The following PLCB1 variants were observed in gnomAD, a reference collection of about 807,000 sequenced individuals.
PLCB1 encodes the protein phospholipase C beta 1.
In PLCB1, 46 loss-of-function variants were observed where a neutral mutation model predicts 161.8. The ratio of observed to expected loss-of-function variants is 0.28; its 90% CI spans 0.22 to 0.36. The LOEUF (loss-of-function observed/expected upper bound fraction) is 0.36, where lower values mean the gene tolerates loss of function less well. Among genes scored for constraint, PLCB1 ranks in the 10% least tolerant of loss-of-function variants. PLCB1 has a pLI of 1.00. For synonymous variants in PLCB1, 517 were observed against 503.7 expected, an observed-to-expected ratio of 1.03 and a Z score of -0.35; for missense variants, 1,016 against 1,472.5, an observed-to-expected ratio of 0.69 and a Z score of 5.07.
intron 3 of PLCB1, among the ~76,000 whole-genome samples, chr20:8,569,588 G>C (rs943742258): frequency 6.6e-6 from 1 of 152,140 alleles, no homozygotes; most frequent in Non-Finnish European, 1.5e-5. Flanking sequence ...AACTTGAAGA[G>C]AGTGACAATA....
At chr20:8,248,283 C>T (rs1003668242) in intron 2 of PLCB1, among the ~76,000 whole-genome samples, 3 of 151,890 alleles carry the variant, frequency 2.0e-5, no homozygotes, top group African/African-American at 4.8e-5. Context: ...GCTATGGGCC[C>T]TCCTGGGTGG....
intron 3 of PLCB1, among the ~76,000 whole-genome samples, chr20:8,583,222 T>G (rs1461786015): frequency 6.6e-6 from 1 of 152,098 alleles, no homozygotes; most frequent in East Asian, 1.9e-4. Context: ...GAGTTTTTGT[T>G]TAATGGGTAC....
chr20:8,631,132 A>T (rs1311428994), intron 4 of PLCB1, among the ~76,000 whole-genome samples: 1 of 152,232 alleles, frequency 6.6e-6, no homozygotes, highest in Admixed American at 6.5e-5. Flanking sequence ...ATCACGTATC[A>T]CAGTCACACA....
intron 3 of PLCB1, among the ~76,000 whole-genome samples, chr20:8,466,025 G>A (rs1288391937): frequency 2.1e-5 from 3 of 143,870 alleles, no homozygotes; most frequent in East Asian, 2.0e-4. Flanking sequence ...ACATGCACAC[G>A]TATGTTTATT....
At chr20:8,310,467 C>A (rs1189808363) in intron 2 of PLCB1, among the ~76,000 whole-genome samples, 2 of 151,988 alleles carry the variant, frequency 1.3e-5, no homozygotes, top group Admixed American at 1.3e-4. Context: ...TAGGACAAAC[C>A]AAATTAATCT....
At chr20:8,327,042 T>C (rs540717691) in intron 2 of PLCB1, among the ~76,000 whole-genome samples, 2 of 152,294 alleles carry the variant, frequency 1.3e-5, no homozygotes, top group South Asian at 2.1e-4. Flanking sequence ...TGCGCCACCA[T>C]GCTTGGCTAA....
At chr20:8,448,413 G>C (rs6039166) in intron 3 of PLCB1, among the ~76,000 whole-genome samples, 2,852 of 152,216 alleles carry the variant, frequency 0.019, 96 homozygotes, top group African/African-American at 0.065. Flanking sequence ...CAGAGCCTTT[G>C]TATGGCAAAA....
At position 8,369,793 on chromosome 20, in the gene PLCB1, T is replaced by C. The variant is rs574320257; in HGVS notation, c.178-1589T>C. Among the ~76,000 whole-genome samples the C allele has an allele frequency of 3.9e-5, 6 of 152,346 alleles. No homozygotes were observed. The South Asian group carries it at 1.2e-3, about 32-fold the overall frequency. Reference sequence around the variant, plus strand: ...GTGAGCAAGAGCAGAGACCCACTGTTTCCTGTCCACCCTTCATCTCACAGA... The same window carrying C: ...GTGAGCAAGAGCAGAGACCCACTGTCTCCTGTCCACCCTTCATCTCACAGA... On this transcript the variant is annotated intron_variant, in intron 2 of 31. Transcript: ENST00000338037.
chr20:8,430,465 T>TA (rs1309253923), intron 3 of PLCB1, among the ~76,000 whole-genome samples: 1 of 149,848 alleles, frequency 6.7e-6, no homozygotes, highest in Non-Finnish European at 1.5e-5. Context: ...ATCTCAGTGT[T>TA]ACCTTGCCTG....
chr20:8,872,942 C>T (rs1280883323), intron 31 of PLCB1, among the ~76,000 whole-genome samples: 1 of 152,148 alleles, frequency 6.6e-6, no homozygotes, highest in Non-Finnish European at 1.5e-5. Flanking sequence ...TTTGTTATTT[C>T]TGCGACTTAA....
At chr20:8,769,685 A>C (rs1165461444) in intron 26 of PLCB1, among the ~76,000 whole-genome samples, 1 of 152,220 alleles carries the variant, frequency 6.6e-6, no homozygotes, top group African/African-American at 2.4e-5. Flanking sequence ...AATAATTGCC[A>C]CTGAGAAATA....
intron 31 of PLCB1, among the ~76,000 whole-genome samples, chr20:8,815,309 T>C (rs1221665435): frequency 6.6e-6 from 1 of 152,222 alleles, no homozygotes; most frequent in Admixed American, 6.5e-5. Context: ...TATCTTCTCT[T>C]CCTTAATAGA....
intron 3 of PLCB1, among the ~76,000 whole-genome samples, chr20:8,514,542 G>A (rs577852699): frequency 6.6e-6 from 1 of 151,988 alleles, no homozygotes; most frequent in South Asian, 2.1e-4. Flanking sequence ...GCAAGGCATG[G>A]TGGTGTGCAC....
intron 2 of PLCB1, among the ~76,000 whole-genome samples, chr20:8,267,052 G>GAA (rs796097080): frequency 6.7e-6 from 1 of 148,170 alleles, no homozygotes; most frequent in African/African-American, 2.5e-5. Context: ...AAAAAAAAGG[G>GAA]AAAAAAAAAG....
chr20:8,613,479 C>T (rs1987958969), intron 3 of PLCB1, among the ~76,000 whole-genome samples: 1 of 152,126 alleles, frequency 6.6e-6, no homozygotes, highest in African/African-American at 2.4e-5. Flanking sequence ...ATATACCTCA[C>T]AAGGGGAAAT....
At chr20:8,495,612 T>C (rs1207981454) in intron 3 of PLCB1, among the ~76,000 whole-genome samples, 2 of 152,018 alleles carry the variant, frequency 1.3e-5, no homozygotes, top group Non-Finnish European at 2.9e-5. Flanking sequence ...TTAGCCAAGA[T>C]AGTCTGGATC....
At position 8,132,795 on chromosome 20, in the gene PLCB1, G is replaced by A. The variant is rs373415574; in HGVS notation, c.99+45G>A. 5.4e-5 allele frequency: 76 copies of A among 1,406,908 alleles called. No individual in the cohort carries two copies. Among genetic ancestry groups the A allele is most frequent in the East Asian group, 4.7e-4 (20 of 42,856 alleles). 87.2% of individuals were successfully genotyped at this position (1,406,908 alleles called of 1,614,324 possible). A position where few individuals can be genotyped will look rare whatever the true frequency, so the allele number is the denominator to read the frequency against. ...GAGTCGGGGCGCTGGCTCGGGCACC[G>A]GGCAGGGCGGGCGTCGTGGGGGTGG... On this transcript the variant is annotated intron_variant, in intron 1 of 31. Coordinates refer to ENST00000338037, the MANE Select transcript of PLCB1 (RefSeq NM_015192.4). This position sits in a 1 kb window ranked among gnomAD's most constrained non-coding sequence, Gnocchi z 5.2.
chr20:8,471,172 T>A (rs1339884555), intron 3 of PLCB1, among the ~76,000 whole-genome samples: 1 of 152,148 alleles, frequency 6.6e-6, no homozygotes, highest in South Asian at 2.1e-4. Context: ...ATGTAATAGG[T>A]TTTATATCAA....
intron 3 of PLCB1, among the ~76,000 whole-genome samples, chr20:8,501,952 T>G (rs1328170468): frequency 6.8e-6 from 1 of 146,604 alleles, no homozygotes. Flanking sequence ...TATGTTTTAT[T>G]TTATTCTCCA....
Sources: gnomAD v4.1 joint callset for allele counts (sites outside exome capture counted in the v4.1 genomes callset) on GRCh38, gnomAD v4.1.1 for gene constraint, Gnocchi (gnomAD v3.1) non-coding constraint, MANE v1.5 for transcripts, NCBI Gene and HGNC (gene_info 2026-07-23, HGNC 2026-07-21) for gene names.